LGR4: variants seen among roughly 807,000 people sequenced by gnomAD.
LGR4 encodes the protein leucine-rich repeat-containing G protein-coupled receptor 4.
LGR4 carries 44 observed loss-of-function variants against 84.8 expected under a neutral mutation model. The ratio of observed to expected loss-of-function variants is 0.52; its 90% CI spans 0.41 to 0.67. The LOEUF is 0.67. Among genes scored for constraint, LGR4 ranks in the 30% least tolerant of loss-of-function variants. LGR4 has a pLI of 0.00. For missense variants in LGR4, 1,032 were observed against 1,131.4 expected, an observed-to-expected ratio of 0.91 and a Z score of 1.26; for synonymous variants, 429 against 434.3, an observed-to-expected ratio of 0.99 and a Z score of 0.15.
chr11:27,439,901 CTTTTTTTT>C (rs1164372130), intron 1 of LGR4, among the ~76,000 whole-genome samples: 161 of 100,724 alleles, frequency 1.6e-3, no homozygotes, highest in African/African-American at 5.2e-3. Context: ...TAGGATTTCT[CTTTTTTTT>C]TTTTTTTTTT....
chr11:27,372,317 G>A lies in LGR4; in HGVS notation c.1461C>T (p.Asn487=). Residue 487 remains asparagine, a synonymous_variant, in exon 16 of 18, where the codon AAC becomes AAT. Coordinates refer to ENST00000379214, the MANE Select transcript of LGR4 (RefSeq NM_018490.5). ...GTGCCACACTGTGGTCCTGGAGGCT[G>A]TTATCTTCTGTGTTTAAATTTGCAT... The part of the protein sequence containing the change: ...DSYANLNTED[N]SLQDHSVAQE... 6.2e-7 allele frequency: 1 copy of A among 1,613,286 alleles called. No homozygotes were observed. The highest frequency in any genetic ancestry group is 2.2e-5 in the East Asian group (1 of 44,880).
chr11:27,451,479 GA>G (rs1864479885), intron 1 of LGR4, among the ~76,000 whole-genome samples: 1 of 152,226 alleles, frequency 6.6e-6, no homozygotes, highest in Non-Finnish European at 1.5e-5. Context: ...CACTAGGCCA[GA>G]AAGGAATAAT....
intron 1 of LGR4, among the ~76,000 whole-genome samples, chr11:27,439,499 A>G (rs1308308088): frequency 6.6e-6 from 1 of 152,182 alleles, no homozygotes; most frequent in Non-Finnish European, 1.5e-5. Flanking sequence ...GTGCTTCTAC[A>G]TTTTGGCTAT....
intron 15 of LGR4, chr11:27,373,250 C>T (rs967235060): frequency 9.8e-6 from 2 of 204,030 alleles, no homozygotes; most frequent in Non-Finnish European, 2.0e-5. Context: ...TCTGCAGGTT[C>T]ACATTTACAT....
In LGR4 at chr11:27,378,737, G is replaced by A. The variant is rs370470269; in HGVS notation, c.1003C>T (p.Pro335Ser). 2.5e-6 allele frequency: 4 copies of A among 1,612,012 alleles called. No homozygotes were observed. The highest frequency in any genetic ancestry group is 2.2e-5 in the East Asian group (1 of 44,806). The stretch of plus-strand genomic sequence containing the variant: ...TTTTGTTCTTGACACAAATTATTAG[G>A]TATGCTGCTTATCTTTGTACCTGTC... ...TLTGTKISSI[P>S]NNLCQEQKML... Residue 335 changes from proline to serine, a missense_variant, in exon 11 of 18, where the codon CCT (proline) becomes TCT (serine). Transcript: ENST00000379214.
At position 27,380,919 on chromosome 11, in the gene LGR4, T is replaced by C. The variant is rs1863081019; in HGVS notation, c.806A>G (p.Asp269Gly). 1.1e-5 allele frequency: 17 copies of C among 1,553,020 alleles called. No homozygotes were observed. Among genetic ancestry groups the C allele is most frequent in the Non-Finnish European group, 1.5e-5 (17 of 1,125,090 alleles). ...CATAGTTCTTAAGAGTGGATTACCA[T>C]CAAATGCTCCATCAGGGATAACAGA... ...SISVIPDGAF[D>G]GNPLLRTIHL... The change falls in exon 8 of 18, where the codon GAT becomes GGT. Residue 269 changes from aspartate to glycine, a missense_variant. Asp to Gly is a moderately conservative substitution (Grantham distance 94). Coordinates refer to ENST00000379214, the MANE Select transcript of LGR4 (RefSeq NM_018490.5).
intron 2 of LGR4, among the ~76,000 whole-genome samples, chr11:27,400,516 T>C (rs1418968618): frequency 6.6e-6 from 1 of 151,988 alleles, no homozygotes; most frequent in Admixed American, 6.5e-5. Context: ...CCTTTTTTTT[T>C]TTTTGAGAAG....
At chr11:27,425,994 G>T (rs558894776) in intron 1 of LGR4, among the ~76,000 whole-genome samples, 2 of 152,158 alleles carry the variant, frequency 1.3e-5, no homozygotes, top group Non-Finnish European at 2.9e-5. Context: ...TGTGGTCATA[G>T]CATCTGTTGA....
At chr11:27,448,314 A>G (rs1012298576) in intron 1 of LGR4, among the ~76,000 whole-genome samples, 9 of 147,012 alleles carry the variant, frequency 6.1e-5, no homozygotes, top group Non-Finnish European at 3.0e-5. Context: ...TTTTTGAGAC[A>G]GAGTTTTTGC....
In LGR4 at chr11:27,382,620, G is replaced by A. The variant is rs567519703; in HGVS notation, c.690-364C>T. Among the ~76,000 whole-genome samples, 15 of 152,210 alleles carry A rather than the reference G, an allele frequency of 9.9e-5. No homozygotes were observed. The East Asian group carries it at 2.9e-3, about 29-fold the overall frequency. ...TGAATATCCATTTGTAAATGACAGCGTGAAACTGAGGTTTCCATTTGGAGT... is the reference window on the plus strand; with the variant it reads ...TGAATATCCATTTGTAAATGACAGCATGAAACTGAGGTTTCCATTTGGAGT... On this transcript the variant is annotated intron_variant, in intron 6 of 17. Transcript: ENST00000379214.
chr11:27,393,218 A>C (rs1370207787), intron 2 of LGR4, among the ~76,000 whole-genome samples: 1 of 152,176 alleles, frequency 6.6e-6, no homozygotes, highest in Non-Finnish European at 1.5e-5. Flanking sequence ...CTGGGCATAG[A>C]GAAATAGAAG....
intron 2 of LGR4, among the ~76,000 whole-genome samples, chr11:27,407,106 A>G (rs1236969701): frequency 6.6e-6 from 1 of 152,190 alleles, no homozygotes; most frequent in Admixed American, 6.6e-5. Flanking sequence ...TACTTTGGAC[A>G]AGCCACTTAT....
chr11:27,404,584 C>G (rs1472352734), intron 2 of LGR4, among the ~76,000 whole-genome samples: 1 of 152,132 alleles, frequency 6.6e-6, no homozygotes, highest in Non-Finnish European at 1.5e-5. Context: ...TCTTCTGCTT[C>G]CTTTGGGGAA....
intron 1 of LGR4, among the ~76,000 whole-genome samples, chr11:27,460,932 C>T (rs981819336): frequency 1.2e-4 from 18 of 150,842 alleles, no homozygotes; most frequent in Admixed American, 4.6e-4. Flanking sequence ...GGGTAGAAAA[C>T]GCACAACTGT....
Position 27,450,998 on chromosome 11 carries a change from A to G in LGR4, c.185+21120T>C, listed in dbSNP as rs528721018. On this transcript the variant is annotated intron_variant, in intron 1 of 17. Transcript: ENST00000379214. ...TCTATATACTACTTCCAGGATTACT[A>G]TTTCTAGGTTATGTAAGGATCTATA... Among the ~76,000 whole-genome samples the G allele has an allele frequency of 2.6e-5, 4 of 152,274 alleles. No homozygotes were observed. The South Asian group carries it at 8.3e-4, about 32-fold the overall frequency.
At chr11:27,381,838 T>A (rs995583222) in intron 7 of LGR4, among the ~76,000 whole-genome samples, 1 of 152,216 alleles carries the variant, frequency 6.6e-6, no homozygotes, top group Non-Finnish European at 1.5e-5. Flanking sequence ...TAGGTATTCT[T>A]CCAGAATGAT....
At chr11:27,401,505 A>G (rs1187877514) in intron 2 of LGR4, among the ~76,000 whole-genome samples, 1 of 152,186 alleles carries the variant, frequency 6.6e-6, no homozygotes, top group Non-Finnish European at 1.5e-5. Context: ...TGAGGAAATA[A>G]TATGTTCCAG....
At chr11:27,418,500 G>GT (rs936775842) in intron 1 of LGR4, among the ~76,000 whole-genome samples, 26 of 152,214 alleles carry the variant, frequency 1.7e-4, no homozygotes, top group African/African-American at 5.8e-4. Flanking sequence ...GACATCTTCT[G>GT]TTTTTTTCAG....
rs1323497601 is a variant in LGR4, at chr11:27,372,449, G to A, written c.1380-51C>T. On this transcript the variant is annotated intron_variant, in intron 15 of 17. Transcript: ENST00000379214. ...CACTGAACAGCAACTCCGCAGTTAT[G>A]GTTTTGTTTTGTAAAAGTATTTTAA... 4 of 1,046,768 alleles carry A rather than the reference G, an allele frequency of 3.8e-6. No individual in the cohort carries two copies. In the African/African-American group the frequency reaches 4.8e-5, roughly 12 times the overall value. The allele number at this position is 1,046,768 out of a possible 1,614,324, so 64.8% of individuals were successfully genotyped here.
Sources: allele counts gnomAD v4.1 joint callset (sites outside exome capture counted in the v4.1 genomes callset), GRCh38; gene constraint gnomAD v4.1.1; transcripts MANE v1.5; gene names NCBI Gene and HGNC (gene_info 2026-07-23, HGNC 2026-07-21).